The following DNAH2 variants were observed in gnomAD, a reference collection of about 807,000 sequenced individuals.
DNAH2 encodes axonemal beta dynein heavy chain 2.
Under a neutral mutation model 523.5 loss-of-function variants are expected in DNAH2, and 323 were observed. The observed-to-expected ratio is 0.62, with a 90% confidence interval of 0.56 to 0.68. The LOEUF is 0.68. Ranked by LOEUF, DNAH2 falls within the 30% of genes least tolerant of loss-of-function variation. The pLI, the probability that DNAH2 is intolerant of heterozygous loss-of-function variation, is 0.00. For synonymous variants in DNAH2, 2,093 were observed against 2,177.4 expected (o/e 0.96, Z 1.08); for missense variants, 4,907 against 5,701.5 (o/e 0.86, Z 4.49).
intron 73 of DNAH2, among the ~76,000 whole-genome samples, 184 bp from the exon 74 acceptor site, chr17:7,823,258 C>T (rs1167453225): frequency 7.0e-6 from 1 of 143,622 alleles, no homozygotes; most frequent in Non-Finnish European, 1.5e-5. Flanking sequence ...TGTGCCATTG[C>T]ACTCTGGCCT....
intron 63 of DNAH2, among the ~76,000 whole-genome samples, chr17:7,810,533 C>T (rs1426276490): frequency 9.2e-5 from 14 of 152,030 alleles, no homozygotes; most frequent in South Asian, 4.1e-4. Context: ...GGATTACAGG[C>T]GTCTGCCACC....
At chr17:7,751,911 T>C (rs952124296) in intron 12 of DNAH2, among the ~76,000 whole-genome samples, 1 of 122,128 alleles carries the variant, frequency 8.2e-6, no homozygotes, top group Non-Finnish European at 1.6e-5. Flanking sequence ...TTTCCAAGAA[T>C]AGTTGTGGGG....
intron 70 of DNAH2, 28 bp downstream of exon 70, chr17:7,818,804 C>T (rs774209149): frequency 6.2e-7 from 1 of 1,613,430 alleles, no homozygotes; most frequent in Non-Finnish European, 8.5e-7. Context: ...CCTCCCACTG[C>T]CCCACGGGTC....
rs140459907 is a variant in DNAH2, at chr17:7,758,984, C to T, written c.2308C>T (p.Arg770Trp). The change falls in exon 15 of 86, where the codon CGG (arginine) becomes TGG (tryptophan). Residue 770 changes from arginine to tryptophan, a missense_variant. Arg to Trp is a moderately radical substitution (Grantham distance 101, BLOSUM62 -3). Transcript: ENST00000572933. Reference sequence around the variant, plus strand: ...GCTGCTGGTACGCATTAGTGGCAAACGGGTATACAGGGACCTGGAATTTGA... The same window carrying T: ...GCTGCTGGTACGCATTAGTGGCAAATGGGTATACAGGGACCTGGAATTTGA... The part of the protein sequence containing the change: ...EKLLVRISGK[R>W]VYRDLEFEED... 119 of 1,614,148 alleles carry T rather than the reference C, an allele frequency of 7.4e-5. No individual in the cohort carries two copies. Among genetic ancestry groups the T allele is most frequent in the African/African-American group, 4.0e-4 (30 of 75,026 alleles).
In DNAH2 at chr17:7,833,176, A is replaced by T; in HGVS notation, c.13084A>T (p.Thr4362Ser). 1 of 1,609,290 alleles carries T rather than the reference A, an allele frequency of 6.2e-7. No individual in the cohort carries two copies. The highest frequency in any genetic ancestry group is 1.1e-5 in the South Asian group (1 of 91,072). The change falls in exon 85 of 86, where the codon ACG (threonine) becomes TCG (serine). Residue 4362 changes from threonine (T) to serine (S), a missense_variant. Coordinates refer to ENST00000572933, the MANE Select transcript of DNAH2 (RefSeq NM_020877.5). ...EPMQLVCLMP[T>S]IHFRPAESRK... ...CATGCAGCTTGTCTGCCTCATGCCCACGATCCACTTCCGGCCTGCAGAGAG... is the reference window on the plus strand; with the variant it reads ...CATGCAGCTTGTCTGCCTCATGCCCTCGATCCACTTCCGGCCTGCAGAGAG...
At chr17:7,758,393 C>A in intron 13 of DNAH2, 102 bp from the exon 14 acceptor site, 1 of 1,399,846 alleles carries the variant, frequency 7.1e-7, no homozygotes, top group Non-Finnish European at 9.6e-7. Flanking sequence ...AGAATCTAGA[C>A]TAGTGGTCTA....
Position 7,821,344 on chromosome 17 carries a change from A to G in DNAH2, c.11117A>G (p.Tyr3706Cys). Residue 3706 changes from tyrosine to cysteine, a missense_variant, in exon 73 of 86, where the codon TAC (tyrosine) becomes TGC (cysteine). By Grantham distance (194) the Tyr-to-Cys change is radical (BLOSUM62 -2). Coordinates refer to ENST00000572933, the MANE Select transcript of DNAH2 (RefSeq NM_020877.5). The surrounding 1 kb of genome is among the most constrained non-coding windows in gnomAD (Gnocchi z 5.0). ...ETSGKLNMDE[Y>C]NFFLRGGVVL... is the part of the protein sequence containing the mutation. The stretch of plus-strand genomic sequence containing the variant: ...TCTGGCAAGCTCAACATGGATGAAT[A>G]CAACTTCTTTCTACGTGGGGGTGTG... 1.2e-6 allele frequency: 2 copies of G among 1,613,632 alleles called. No homozygotes were observed. Among genetic ancestry groups the G allele is most frequent in the Non-Finnish European group, 1.7e-6 (2 of 1,179,714 alleles).
intron 85 of DNAH2, 24 bp downstream of exon 85, chr17:7,833,245 C>T (rs764864788): frequency 3.1e-5 from 49 of 1,606,296 alleles, no homozygotes; most frequent in Admixed American, 5.0e-5. Context: ...CCAGGCAGGA[C>T]CTGCCTGCCC....
Position 7,798,633 on chromosome 17 carries a change from CTGA to C in DNAH2, c.8478_8480del (p.Asp2826del), listed in dbSNP as rs761391906. The stretch of plus-strand genomic sequence containing the variant: ...TTCATTTTTGTGGACACCCAAATAG[CTGA>C]TGAGTCCTTCCTAGAGGACATCAAC... On this transcript the variant is annotated inframe_deletion, in exon 55 of 86. Transcript: ENST00000572933. This position sits in a 1 kb window ranked among gnomAD's most constrained non-coding sequence, Gnocchi z 5.5. 4.3e-5 allele frequency: 70 copies of C among 1,614,050 alleles called. No homozygotes were observed. The highest frequency in any genetic ancestry group is 5.4e-5 in the Non-Finnish European group (64 of 1,180,044).
rs1280791494 is a variant in DNAH2, at chr17:7,833,572, G to A, written c.*39G>A. ...TCTCCGCTTGAGAGAGAGGGTCAGG[G>A]ACTCCAGGAGCTAAGACAGATGTTG... On this transcript the variant is annotated 3_prime_UTR_variant, in exon 86 of 86. Transcript: ENST00000572933. 3.7e-6 allele frequency: 6 copies of A among 1,608,700 alleles called. No individual in the cohort carries two copies. The South Asian group carries it at 6.6e-5, about 18-fold the overall frequency.
At position 7,719,822 on chromosome 17, in the gene DNAH2, G is replaced by T. The variant is rs141658539; in HGVS notation, c.88G>T (p.Val30Leu). ...GTCAGGGCGGGCCACTCGGGCTGCT[G>T]TGGCCACACAGGAGCAGGGGAATGC... is the stretch of plus-strand genomic sequence containing the variant. ...SWSGRATRAA[V>L]ATQEQGNAPA... The change falls in exon 2 of 86, where the codon GTG becomes TTG. Residue 30 changes from valine to leucine, a missense_variant. Val to Leu is a conservative substitution (Grantham distance 32). This residue lies in a region of DNAH2 where 2,806 missense variants were observed against 3,190.8 expected (regional missense o/e 0.88). Coordinates refer to ENST00000572933, the MANE Select transcript of DNAH2 (RefSeq NM_020877.5). 1 of 1,612,498 alleles carries T rather than the reference G, an allele frequency of 6.2e-7. No homozygotes were observed. The highest frequency in any genetic ancestry group is 8.5e-7 in the Non-Finnish European group (1 of 1,179,258).
At position 7,754,117 on chromosome 17, in the gene DNAH2, CG is replaced by C. The variant is rs1010053562; in HGVS notation, c.1905-2970del. 4.0e-5 allele frequency among the ~76,000 whole-genome samples: 6 copies of C among 151,880 alleles called. No individual in the cohort carries two copies. Among genetic ancestry groups the C allele is most frequent in the African/African-American group, 1.5e-4 (6 of 41,312 alleles). Reference sequence around the variant, plus strand: ...GGAGGGAATGGGAAGAAAAGAGTGACGGGGATCTGTGGACGACATTCTTTAA... The same window carrying C: ...GGAGGGAATGGGAAGAAAAGAGTGACGGGATCTGTGGACGACATTCTTTAA... On this transcript the variant is annotated intron_variant, in intron 12 of 85. Coordinates refer to ENST00000572933, the MANE Select transcript of DNAH2 (RefSeq NM_020877.5). The surrounding 1 kb of genome is among the most constrained non-coding windows in gnomAD (Gnocchi z 4.6).
chr17:7,821,230 C>A lies in DNAH2; in HGVS notation c.11016-13C>A. On this transcript the variant is annotated splice_polypyrimidine_tract_variant and intron_variant, in intron 72 of 85. Coordinates refer to ENST00000572933, the MANE Select transcript of DNAH2 (RefSeq NM_020877.5). The surrounding 1 kb of genome is among the most constrained non-coding windows in gnomAD (Gnocchi z 5.0). ...CATGCTGCCCCTCCCTCTTCCCTGT[C>A]CCTTTCTCCCAGGTACACCTGCCGT... The A allele has an allele frequency of 1.9e-6, 3 of 1,611,244 alleles. No homozygotes were observed. Among genetic ancestry groups the A allele is most frequent in the South Asian group, 1.1e-5 (1 of 90,692 alleles).
At chr17:7,817,502 G>A in intron 65 of DNAH2, 59 bp from the exon 66 acceptor site, 2 of 1,613,600 alleles carry the variant, frequency 1.2e-6, no homozygotes, top group Non-Finnish European at 1.7e-6. Context: ...TACCGTGAAG[G>A]CGCGGGGGCT....
intron 31 of DNAH2, 62 bp from the exon 32 acceptor site, chr17:7,776,717 G>A: frequency 7.4e-7 from 1 of 1,348,814 alleles, no homozygotes; most frequent in Non-Finnish European, 1.1e-6. Flanking sequence ...TGGGACTTGG[G>A]AGCTGGGCTG....
chr17:7,722,041 C>G (rs1171571189), intron 2 of DNAH2, among the ~76,000 whole-genome samples: 1 of 152,178 alleles, frequency 6.6e-6, no homozygotes, highest in South Asian at 2.1e-4. Flanking sequence ...CCCTGTCACC[C>G]AGGCTGGAGT....
Position 7,788,190 on chromosome 17 carries a change from C to A in DNAH2, c.6846C>A (p.Ser2282Arg), listed in dbSNP as rs372104836. The A allele has an allele frequency of 1.2e-6, 2 of 1,611,512 alleles. No homozygotes were observed. Among genetic ancestry groups the A allele is most frequent in the Admixed American group, 3.4e-5 (2 of 59,494 alleles). The change falls in exon 44 of 86, where the codon AGC (serine) becomes AGA (arginine). Residue 2282 changes from serine to arginine, a missense_variant. Physicochemically the swap from Ser to Arg is moderately radical, Grantham distance 110. Coordinates refer to ENST00000572933, the MANE Select transcript of DNAH2 (RefSeq NM_020877.5). ...AGCTGGTGCCCCTGCCCGAGTACAG[C>A]GGTATCACCTCCCTCTGCAAGCTGT... ...CKELVPLPEY[S>R]GITSLCKLYS...
At chr17:7,772,396 CAG>C (rs1428179840) in intron 28 of DNAH2, among the ~76,000 whole-genome samples, 3 of 152,184 alleles carry the variant, frequency 2.0e-5, no homozygotes, top group Non-Finnish European at 4.4e-5. Flanking sequence ...AAATAATTGA[CAG>C]AATTATATTC....
At position 7,719,704 on chromosome 17, in the gene DNAH2, C is replaced by A. The variant is rs1375421360; in HGVS notation, c.-14-17C>A. 2 of 1,614,046 alleles carry A rather than the reference C, an allele frequency of 1.2e-6. No individual in the cohort carries two copies. The highest frequency in any genetic ancestry group is 1.1e-5 in the South Asian group (1 of 91,082). On this transcript the variant is annotated splice_polypyrimidine_tract_variant and intron_variant, in intron 1 of 85. Coordinates refer to ENST00000572933, the MANE Select transcript of DNAH2 (RefSeq NM_020877.5). ...GTGGTATCTGCTTGTAGACTCTCCA[C>A]TCCTGTATACCTGTAGGTTTTGCCT...
Sources: gnomAD v4.1 joint callset for allele counts (sites outside exome capture counted in the v4.1 genomes callset) on GRCh38, gnomAD v4.1.1 for gene constraint, gnomAD v4.1.1 regional missense constraint, Gnocchi (gnomAD v3.1) non-coding constraint, MANE v1.5 for transcripts, NCBI Gene and HGNC (gene_info 2026-07-23, HGNC 2026-07-21) for gene names.